Variants in LNX1 observed in about 807,000 individuals in gnomAD.
LNX1 encodes the protein ligand of numb-protein X 1.
Under a neutral mutation model 68.4 loss-of-function variants are expected in LNX1, and 54 were observed. That is an observed-to-expected ratio of 0.79 (90% CI 0.63 to 0.99). The LOEUF is 0.99. Ranked by LOEUF, LNX1 falls within the 50% of genes least tolerant of loss-of-function variation. LNX1 has a pLI of 0.00. For synonymous variants in LNX1, 336 were observed against 350.0 expected, an observed-to-expected ratio of 0.96 and a Z score of 0.45; for missense variants, 906 against 926.4, an observed-to-expected ratio of 0.98 and a Z score of 0.29.
intron 1 of LNX1, among the ~76,000 whole-genome samples, chr4:53,590,225 A>T (rs571629575): frequency 6.6e-6 from 1 of 152,354 alleles, no homozygotes; most frequent in African/African-American, 2.4e-5. Context: ...TGTCTAAGGC[A>T]AAAATGATCT....
chr4:53,495,082 T>C (rs1176333909), intron 6 of LNX1, among the ~76,000 whole-genome samples: 1 of 152,196 alleles, frequency 6.6e-6, no homozygotes, highest in Non-Finnish European at 1.5e-5. Context: ...CTGTTATGAC[T>C]GTTAATGTCA....
chr4:53,647,191 T>A (rs1734918203), intron 1 of LNX1, among the ~76,000 whole-genome samples: 1 of 152,380 alleles, frequency 6.6e-6, no homozygotes, highest in African/African-American at 2.4e-5. Context: ...TCTGTGTGCA[T>A]GTTTCTGACA....
chr4:53,574,875 A>T (rs1247431039), intron 1 of LNX1, among the ~76,000 whole-genome samples: 4 of 152,192 alleles, frequency 2.6e-5, no homozygotes, highest in African/African-American at 9.6e-5. Flanking sequence ...TACTGAATTC[A>T]TTGTCTCTAG....
Position 53,471,733 on chromosome 4 carries a change from A to C in LNX1, c.1892+5020T>G, listed in dbSNP as rs567885331. Among the ~76,000 whole-genome samples the C allele has an allele frequency of 6.6e-5, 10 of 152,374 alleles. No individual in the cohort carries two copies. The Middle Eastern group carries it at 0.01, about 155-fold the overall frequency. The stretch of plus-strand genomic sequence containing the variant: ...TTTATGCAGCCAACAGACACATGAA[A>C]AAATGCTCATCATCACTGGCCATCA... On this transcript the variant is annotated intron_variant, in intron 9 of 10. Transcript: ENST00000263925.
chr4:53,496,338 C>T lies in LNX1; in HGVS notation c.1035G>A (p.Arg345=). 6.2e-7 allele frequency: 1 copy of T among 1,614,126 alleles called. No individual in the cohort carries two copies. The highest frequency in any genetic ancestry group is 8.5e-7 in the Non-Finnish European group (1 of 1,180,024). The change falls in exon 6 of 11, where the codon CGG becomes CGA. Residue 345 remains arginine, a synonymous_variant. Transcript: ENST00000263925. ...VPHNYAVRLL[R]QPCQVLWLTV... ...TCAGCCACAGCACCTGGCAGGGCTG[C>T]CGCAGGAGACGCACAGCGTAGTTGT...
At chr4:53,565,550 A>T (rs1325727047) in intron 2 of LNX1, among the ~76,000 whole-genome samples, 2 of 151,938 alleles carry the variant, frequency 1.3e-5, no homozygotes. Context: ...GATGGGGAAA[A>T]AACAGAACAG....
chr4:53,610,715 G>GAAAAAAAAA (rs10553873), intron 2 of LNX1, among the ~76,000 whole-genome samples: 34 of 112,510 alleles, frequency 3.0e-4, no homozygotes, highest in South Asian at 6.4e-4. Context: ...TCTCAAAGAG[G>GAAAAAAAAA]AAAAAAAAAA....
At chr4:53,623,118 C>G (rs1733944981) in intron 1 of LNX1, among the ~76,000 whole-genome samples, 1 of 151,894 alleles carries the variant, frequency 6.6e-6, no homozygotes, top group Non-Finnish European at 1.5e-5. Flanking sequence ...GGACTGATCA[C>G]TTGAATACAT....
At chr4:53,488,546 A>C (rs879595799) in intron 6 of LNX1, among the ~76,000 whole-genome samples, 1 of 152,242 alleles carries the variant, frequency 6.6e-6, no homozygotes, top group African/African-American at 2.4e-5. Flanking sequence ...AGAGTGCAGT[A>C]GTTTTGTTGA....
At chr4:53,529,502 CA>C (rs1487863621) in intron 2 of LNX1, among the ~76,000 whole-genome samples, 1 of 152,154 alleles carries the variant, frequency 6.6e-6, no homozygotes, top group African/African-American at 2.4e-5. Context: ...GAAATGAGAA[CA>C]AAAGTCTAGA....
intron 2 of LNX1, among the ~76,000 whole-genome samples, chr4:53,557,678 T>C (rs2109727691): frequency 6.6e-6 from 1 of 151,150 alleles, no homozygotes; most frequent in East Asian, 1.9e-4. Context: ...GTACTGCATC[T>C]GTTAATATGG....
upstream of LNX1, among the ~76,000 whole-genome samples, chr4:53,618,374 C>T: frequency 6.6e-6 from 1 of 151,710 alleles, no homozygotes. Flanking sequence ...GGCAGAGACA[C>T]AAAAAGTACT....
chr4:53,602,599 G>A (rs1299637919), intron 2 of LNX1, among the ~76,000 whole-genome samples: 2 of 152,224 alleles, frequency 1.3e-5, no homozygotes, highest in African/African-American at 4.8e-5. Flanking sequence ...CGGTCTGTGA[G>A]GGCACTTGAA....
intron 2 of LNX1, among the ~76,000 whole-genome samples, chr4:53,545,388 C>T (rs1458186212): frequency 6.6e-6 from 1 of 152,170 alleles, no homozygotes; most frequent in Non-Finnish European, 1.5e-5. Context: ...GTGAAACAAC[C>T]TAACACATCC....
chr4:53,574,984 T>A (rs1448669156), intron 1 of LNX1, among the ~76,000 whole-genome samples: 111 of 63,964 alleles, frequency 1.7e-3, no homozygotes, highest in African/African-American at 7.4e-3. Flanking sequence ...GATATTTCGT[T>A]TTTTTTTTTT....
chr4:53,556,987 T>C (rs961251234), intron 2 of LNX1, among the ~76,000 whole-genome samples: 3 of 152,230 alleles, frequency 2.0e-5, no homozygotes, highest in African/African-American at 7.2e-5. Context: ...GTTAGGTTCA[T>C]AAGGAGGAAT....
intron 9 of LNX1, among the ~76,000 whole-genome samples, chr4:53,464,720 A>G (rs1183050297): frequency 6.6e-6 from 1 of 152,038 alleles, no homozygotes; most frequent in African/African-American, 2.4e-5. Context: ...TTTCTACTAC[A>G]CTATTAGCAG....
intron 2 of LNX1, among the ~76,000 whole-genome samples, chr4:53,615,471 C>T (rs1371449681): frequency 6.6e-6 from 1 of 152,168 alleles, no homozygotes; most frequent in Non-Finnish European, 1.5e-5. Context: ...GCCTAGCTCC[C>T]TCGTGTATGA....
chr4:53,493,883 A>T (rs1164514930), intron 6 of LNX1, among the ~76,000 whole-genome samples: 1 of 152,232 alleles, frequency 6.6e-6, no homozygotes, highest in Non-Finnish European at 1.5e-5. Context: ...CTAGAAGATC[A>T]TGCCATTTCC....
Sources: gnomAD v4.1 joint callset for allele counts (sites outside exome capture counted in the v4.1 genomes callset) on GRCh38, gnomAD v4.1.1 for gene constraint, MANE v1.5 for transcripts, NCBI Gene and HGNC (gene_info 2026-07-23, HGNC 2026-07-21) for gene names.